MAF: variants seen among roughly 807,000 people sequenced by gnomAD.
MAF encodes the protein MAF bZIP transcription factor.
Under a neutral mutation model 22.0 loss-of-function variants are expected in MAF, and 10 were observed. The observed-to-expected ratio is 0.45, with a 90% CI of 0.28 to 0.77. The LOEUF is 0.77. Among genes scored for constraint, MAF ranks in the 30% least tolerant of loss-of-function variants. MAF has a pLI of 0.12. For missense variants in MAF, 544 were observed against 548.4 expected (o/e 0.99, Z 0.08); for synonymous variants, 337 against 255.8 (o/e 1.32, Z -3.03).
At chr16:79,236,743 T>C in the MAF span, among the ~76,000 whole-genome samples, 1 of 151,926 alleles carries the variant, frequency 6.6e-6, no homozygotes, top group African/African-American at 2.4e-5. Flanking sequence ...GTCCTCAGCA[T>C]TCCCCATTGA....
At chr16:79,566,939 A>G in the MAF span, among the ~76,000 whole-genome samples, 2 of 152,292 alleles carry the variant, frequency 1.3e-5, no homozygotes, top group Middle Eastern at 6.8e-3. Context: ...AATACCTCTT[A>G]GGGCATTTTA....
chr16:79,488,219 C>T, the MAF span, among the ~76,000 whole-genome samples: 1 of 152,166 alleles, frequency 6.6e-6, no homozygotes, highest in Non-Finnish European at 1.5e-5. Context: ...CAGGGTACCC[C>T]TTGTGAACCT....
chr16:79,385,449 G>A, the MAF span, among the ~76,000 whole-genome samples: 2 of 152,208 alleles, frequency 1.3e-5, no homozygotes, highest in South Asian at 2.1e-4. Context: ...TGTTCTCTAT[G>A]TAAGAACAAA....
chr16:79,451,891 G>C, the MAF span, among the ~76,000 whole-genome samples: 2 of 152,178 alleles, frequency 1.3e-5, no homozygotes, highest in Admixed American at 6.5e-5. Context: ...TTCAAACTAG[G>C]TAGAGCAAAT....
chr16:79,517,852 G>C, the MAF span, among the ~76,000 whole-genome samples: 2 of 152,148 alleles, frequency 1.3e-5, no homozygotes, highest in African/African-American at 4.8e-5. Flanking sequence ...TGGAATTACA[G>C]GCATGAGCCA....
At chr16:79,528,067 G>T in the MAF span, among the ~76,000 whole-genome samples, 1 of 152,172 alleles carries the variant, frequency 6.6e-6, no homozygotes, top group South Asian at 2.1e-4. Flanking sequence ...ACTTGAACCT[G>T]GGAGGTGGAG....
the MAF span, chr16:79,212,345 A>T: frequency 2.6e-5 from 17 of 645,808 alleles, no homozygotes; most frequent in African/African-American, 2.5e-4. Context: ...AGTGAGGATG[A>T]CAGTGACACC....
At chr16:79,210,875 G>C in the MAF span, among the ~76,000 whole-genome samples, 8 of 152,166 alleles carry the variant, frequency 5.3e-5, no homozygotes, top group Non-Finnish European at 8.8e-5. Context: ...TGCACTCTTT[G>C]CAACTTACAT....
At chr16:79,310,024 C>CTA in the MAF span, among the ~76,000 whole-genome samples, 5 of 152,150 alleles carry the variant, frequency 3.3e-5, no homozygotes, top group Non-Finnish European at 5.9e-5. Context: ...AAGCAGCGGT[C>CTA]AGTTAGCAGA....
At chr16:79,386,403 A>G in the MAF span, among the ~76,000 whole-genome samples, 3 of 152,096 alleles carry the variant, frequency 2.0e-5, no homozygotes, top group African/African-American at 7.2e-5. Flanking sequence ...GCAGTTCGCA[A>G]TAGGGTTCAT....
the MAF span, among the ~76,000 whole-genome samples, chr16:79,241,396 A>G: frequency 6.6e-6 from 1 of 152,160 alleles, no homozygotes; most frequent in South Asian, 2.1e-4. Flanking sequence ...CATGAAGCAT[A>G]CACAAGTATC....
At chr16:79,234,761 G>A in the MAF span, among the ~76,000 whole-genome samples, 2 of 152,120 alleles carry the variant, frequency 1.3e-5, no homozygotes, top group Admixed American at 1.3e-4. Context: ...ACACAGTGGG[G>A]AGTGGCTCCC....
the MAF span, among the ~76,000 whole-genome samples, chr16:79,493,402 G>A: frequency 6.6e-6 from 1 of 152,242 alleles, no homozygotes; most frequent in African/African-American, 2.4e-5. Context: ...GGCTGCTCTT[G>A]AACTCCTGAC....
chr16:79,531,318 C>G, the MAF span, among the ~76,000 whole-genome samples: 1 of 152,096 alleles, frequency 6.6e-6, no homozygotes, highest in African/African-American at 2.4e-5. Flanking sequence ...TCTTTAAGTT[C>G]TCTAGAGCAG....
chr16:79,290,474 T>A, the MAF span, among the ~76,000 whole-genome samples: 3 of 152,182 alleles, frequency 2.0e-5, no homozygotes, highest in African/African-American at 7.2e-5. Flanking sequence ...CAGAATCATC[T>A]TTTTAGAGAG....
chr16:79,219,836 T>C, the MAF span, among the ~76,000 whole-genome samples: 4 of 152,198 alleles, frequency 2.6e-5, no homozygotes, highest in African/African-American at 7.2e-5. Flanking sequence ...GGGAATTCCA[T>C]TGGTAATTTA....
the MAF span, among the ~76,000 whole-genome samples, chr16:79,323,740 G>T: frequency 6.6e-6 from 1 of 152,176 alleles, no homozygotes; most frequent in East Asian, 1.9e-4. Context: ...GCATCTGAGA[G>T]CAACATCTTT....
chr16:79,296,816 C>A, the MAF span, among the ~76,000 whole-genome samples: 2 of 152,186 alleles, frequency 1.3e-5, no homozygotes, highest in Non-Finnish European at 2.9e-5. Flanking sequence ...GCATTACCCT[C>A]TGCAGTTCAA....
chr16:79,420,187 A>T, the MAF span, among the ~76,000 whole-genome samples: 1 of 152,222 alleles, frequency 6.6e-6, no homozygotes, highest in Non-Finnish European at 1.5e-5. Context: ...GAAAAAAGAA[A>T]ATCAATAAGA....
Sources: gnomAD v4.1 joint callset for allele counts (sites outside exome capture counted in the v4.1 genomes callset) on GRCh38, gnomAD v4.1.1 for gene constraint, MANE v1.5 for transcripts, NCBI Gene and HGNC (gene_info 2026-07-23, HGNC 2026-07-21) for gene names.